The following TEX9 variants were observed in gnomAD, a reference collection of about 807,000 sequenced individuals.
TEX9 encodes testis expressed 9.
TEX9 carries 74 observed loss-of-function variants against 59.6 expected under a neutral mutation model. That is an observed-to-expected ratio of 1.24 (90% CI 1.03 to 1.51). TEX9 has a LOEUF of 1.51. TEX9 is among the 40% of genes most tolerant of loss of function. TEX9 has a pLI of 0.00. For synonymous variants in TEX9, 186 were observed against 152.2 expected (o/e 1.22, Z -1.64); for missense variants, 522 against 447.8 (o/e 1.17, Z -1.49).
intron 9 of TEX9, among the ~76,000 whole-genome samples, chr15:56,407,893 G>C (rs1225893868): frequency 6.6e-6 from 1 of 152,102 alleles, no homozygotes; most frequent in Non-Finnish European, 1.5e-5. Context: ...AAGTGAATTA[G>C]TACCTCTTCT....
At chr15:56,374,648 G>A (rs893664791) in intron 3 of TEX9, 2 of 152,012 alleles carry the variant, frequency 1.3e-5, no homozygotes, top group African/African-American at 2.4e-5. Flanking sequence ...CATTCTTTCT[G>A]ACTATATATT....
At chr15:56,275,939 T>C (rs2044657910) in intron 1 of TEX9, among the ~76,000 whole-genome samples, 1 of 152,156 alleles carries the variant, frequency 6.6e-6, no homozygotes, top group Non-Finnish European at 1.5e-5. Flanking sequence ...AGTTATATTT[T>C]CCTTTAGCAC....
intron 1 of TEX9, among the ~76,000 whole-genome samples, chr15:56,249,783 C>T (rs1351857531): frequency 7.4e-6 from 1 of 135,554 alleles, no homozygotes; most frequent in African/African-American, 2.7e-5. Context: ...AAAGAAGAAG[C>T]ATCTATGGGC....
chr15:56,431,906 T>C (rs565522602), intron 12 of TEX9, among the ~76,000 whole-genome samples: 1 of 152,044 alleles, frequency 6.6e-6, no homozygotes, highest in East Asian at 1.9e-4. Context: ...TTTTCATATA[T>C]ATATATATAA....
intron 2 of TEX9, among the ~76,000 whole-genome samples, chr15:56,369,356 A>T (rs1596127512): frequency 1.4e-5 from 2 of 142,660 alleles, no homozygotes. Context: ...TGCCATGCTA[A>T]TTTTTTTTTT....
chr15:56,442,793 C>T (rs533632486), intron 12 of TEX9, among the ~76,000 whole-genome samples: 1 of 152,064 alleles, frequency 6.6e-6, no homozygotes, highest in East Asian at 1.9e-4. Context: ...GTACTATGCT[C>T]ATTACTTGGG....
At chr15:56,401,604 C>G (rs922996256) in intron 9 of TEX9, among the ~76,000 whole-genome samples, 1 of 152,094 alleles carries the variant, frequency 6.6e-6, no homozygotes, top group Non-Finnish European at 1.5e-5. Flanking sequence ...AACAAGGATA[C>G]CCAGGACTAG....
intron 10 of TEX9, among the ~76,000 whole-genome samples, chr15:56,420,131 T>C (rs1393199690): frequency 6.6e-6 from 1 of 151,714 alleles, no homozygotes; most frequent in Non-Finnish European, 1.5e-5. Flanking sequence ...CCCCTCTCAT[T>C]CTTGTATTGG....
intron 10 of TEX9, 61 bp downstream of exon 10, chr15:56,412,497 C>CA (rs1201063050): frequency 8.0e-6 from 12 of 1,493,212 alleles, no homozygotes; most frequent in Non-Finnish European, 1.1e-5. Flanking sequence ...CTTTTATGAA[C>CA]ATGTCAAAAA....
At chr15:56,325,344 G>A (rs570154404) in intron 1 of TEX9, among the ~76,000 whole-genome samples, 1 of 152,292 alleles carries the variant, frequency 6.6e-6, no homozygotes, top group Admixed American at 6.5e-5. Context: ...ATGGAGCCAT[G>A]TTTTTGAAAA....
intron 9 of TEX9, 78 bp downstream of exon 9, chr15:56,394,912 C>G: frequency 3.0e-6 from 4 of 1,340,400 alleles, no homozygotes; most frequent in Non-Finnish European, 4.1e-6. Context: ...GTATAGATGC[C>G]ATTTTGACAG....
rs867641102 is a variant in TEX9, at chr15:56,402,389, G to C, written c.828+7555G>C. Among the ~76,000 whole-genome samples the C allele has an allele frequency of 2.0e-5, 3 of 152,290 alleles. 1 individual carries two copies. The highest frequency in any genetic ancestry group is 6.5e-5 in the Admixed American group (1 of 15,294). On this transcript the variant is annotated intron_variant, in intron 9 of 12. Transcript: ENST00000352903. ...CACAGATAAACTAGAAAATCTAGAAGAAATGGATGAATTCCTGGACACATA... is the reference window on the plus strand; with the variant it reads ...CACAGATAAACTAGAAAATCTAGAACAAATGGATGAATTCCTGGACACATA...
chr15:56,376,477 A>C (rs1248037599), intron 3 of TEX9, among the ~76,000 whole-genome samples: 1 of 152,060 alleles, frequency 6.6e-6, no homozygotes, highest in African/African-American at 2.4e-5. Context: ...ATGATATTGT[A>C]GTTTTGATTT....
chr15:56,400,745 G>C (rs2048726295), intron 9 of TEX9, among the ~76,000 whole-genome samples: 1 of 152,160 alleles, frequency 6.6e-6, no homozygotes, highest in Non-Finnish European at 1.5e-5. Flanking sequence ...GAAAGGTCGG[G>C]TTACCCACAA....
intron 1 of TEX9, among the ~76,000 whole-genome samples, chr15:56,283,207 A>G (rs1482084540): frequency 2.0e-5 from 3 of 152,020 alleles, no homozygotes; most frequent in African/African-American, 7.2e-5. Context: ...TATATCCTTT[A>G]TATTATTTGC....
At chr15:56,351,811 G>A (rs1329156910) in intron 1 of TEX9, among the ~76,000 whole-genome samples, 3 of 152,100 alleles carry the variant, frequency 2.0e-5, no homozygotes, top group African/African-American at 7.2e-5. Context: ...TTGTCATTGT[G>A]TATTTCTTTA....
intron 1 of TEX9, among the ~76,000 whole-genome samples, chr15:56,290,142 A>G (rs1021943274): frequency 3.9e-5 from 6 of 152,282 alleles, no homozygotes; most frequent in East Asian, 1.9e-4. Context: ...TTGGAGCACA[A>G]CTGGGTTCGG....
In TEX9 at chr15:56,309,693, G is replaced by GTTTTTTTTTTTTTTTTTTTTTTTTTT. The variant is rs60648387; in HGVS notation, c.-106-63742_-106-63717dup. ...TCTGGGCCTGGGATTTTTATGGGAA[G>GTTTTTTTTTTTTTTTTTTTTTTTTTT]TTTTTTTTTTTTTTTTTTTTTTTTT... On this transcript the variant is annotated intron_variant, in intron 1 of 5. Coordinates refer to the TEX9 transcript ENST00000560827. Among the ~76,000 whole-genome samples, 3 of 60,786 alleles carry GTTTTTTTTTTTTTTTTTTTTTTTTTT rather than the reference G, an allele frequency of 4.9e-5. 1 individual carries two copies. Among genetic ancestry groups the GTTTTTTTTTTTTTTTTTTTTTTTTTT allele is most frequent in the Admixed American group, 2.2e-4 (1 of 4,468 alleles). 39.9% of individuals were successfully genotyped at this position (60,786 alleles called of 152,430 possible). A position where few individuals can be genotyped will look rare whatever the true frequency, so the allele number is the denominator to read the frequency against.
intron 1 of TEX9, among the ~76,000 whole-genome samples, chr15:56,302,349 A>G (rs549536058): frequency 3.0e-3 from 449 of 151,452 alleles, no homozygotes; most frequent in African/African-American, 0.01. Flanking sequence ...ACACACACAC[A>G]CACACACACA....
Sources: gnomAD v4.1 joint callset for allele counts (sites outside exome capture counted in the v4.1 genomes callset) on GRCh38, gnomAD v4.1.1 for gene constraint, MANE v1.5 for transcripts, NCBI Gene and HGNC (gene_info 2026-07-23, HGNC 2026-07-21) for gene names.